CMSS1: variants seen among roughly 807,000 people sequenced by gnomAD.
CMSS1 encodes protein CMSS1.
Under a neutral mutation model 43.5 loss-of-function variants are expected in CMSS1, and 33 were observed. That is an observed-to-expected ratio of 0.76 (90% CI 0.57 to 1.01). The LOEUF is 1.01. Among genes scored for constraint, CMSS1 ranks in the 50% least tolerant of loss-of-function variants. The probability of loss-of-function intolerance (pLI) is 0.00; values close to 1 mark genes in which losing one functional copy is unlikely to be tolerated. For synonymous variants in CMSS1, 115 were observed against 117.2 expected (o/e 0.98, Z 0.12); for missense variants, 313 against 326.4 (o/e 0.96, Z 0.32).
At chr3:99,875,123 C>T (rs77140514) in intron 1 of CMSS1, among the ~76,000 whole-genome samples, 3 of 152,202 alleles carry the variant, frequency 2.0e-5, no homozygotes, top group Non-Finnish European at 4.4e-5. Flanking sequence ...TTTTTCATCT[C>T]CTATTCCAGT....
intron 1 of CMSS1, chr3:99,849,544 T>A (rs747026428): frequency 6.2e-7 from 1 of 1,613,568 alleles, no homozygotes; most frequent in South Asian, 1.1e-5. Context: ...GTGCCCTGAC[T>A]TAGCTTCTTC....
chr3:99,983,437 T>C (rs1387973573), intron 1 of CMSS1, among the ~76,000 whole-genome samples: 1 of 50,880 alleles, frequency 2.0e-5, no homozygotes, highest in East Asian at 5.8e-4. Context: ...TGTATGTATA[T>C]ATATGTATGT....
intron 1 of CMSS1, among the ~76,000 whole-genome samples, chr3:99,989,055 T>C (rs1203768583): frequency 3.3e-5 from 5 of 152,238 alleles, no homozygotes; most frequent in African/African-American, 9.6e-5. Flanking sequence ...AATTCTTCCA[T>C]CTCATAAACT....
intron 1 of CMSS1, among the ~76,000 whole-genome samples, chr3:99,885,768 A>C (rs1332402961): frequency 6.6e-6 from 1 of 152,206 alleles, no homozygotes; most frequent in African/African-American, 2.4e-5. Context: ...CAAAAGACAC[A>C]CACACAAACA....
chr3:99,987,937 TG>T (rs1709393803), intron 1 of CMSS1, among the ~76,000 whole-genome samples: 1 of 152,202 alleles, frequency 6.6e-6, no homozygotes, highest in African/African-American at 2.4e-5. Flanking sequence ...TCTTGAAAGA[TG>T]TTGAGGATAC....
At chr3:100,097,369 G>A (rs2066228224) in intron 1 of CMSS1, among the ~76,000 whole-genome samples, 1 of 152,174 alleles carries the variant, frequency 6.6e-6, no homozygotes, top group Non-Finnish European at 1.5e-5. Context: ...AGGAGGATCT[G>A]CATGGATTAT....
At chr3:99,956,412 G>A (rs1375623853) in intron 1 of CMSS1, among the ~76,000 whole-genome samples, 2 of 152,174 alleles carry the variant, frequency 1.3e-5, no homozygotes, top group Admixed American at 1.3e-4. Flanking sequence ...GAGTGCCCTG[G>A]CATGATCTTG....
chr3:99,949,971 C>T (rs1708127482), intron 1 of CMSS1, among the ~76,000 whole-genome samples: 1 of 152,036 alleles, frequency 6.6e-6, no homozygotes, highest in African/African-American at 2.4e-5. Flanking sequence ...TAATTATTTC[C>T]CAGAATAACC....
intron 1 of CMSS1, among the ~76,000 whole-genome samples, chr3:100,129,484 A>G (rs980279517): frequency 2.1e-4 from 32 of 152,358 alleles, no homozygotes; most frequent in Admixed American, 1.4e-3. Flanking sequence ...ATTGCTACTT[A>G]AGAGGATATG....
chr3:100,068,764 A>G (rs916254496), intron 1 of CMSS1, among the ~76,000 whole-genome samples: 2 of 152,078 alleles, frequency 1.3e-5, no homozygotes, highest in Non-Finnish European at 2.9e-5. Flanking sequence ...AGTAGCTGGG[A>G]ATACAGGCGC....
At chr3:100,048,157 A>G (rs2065308334) in intron 1 of CMSS1, among the ~76,000 whole-genome samples, 1 of 152,242 alleles carries the variant, frequency 6.6e-6, no homozygotes, top group African/African-American at 2.4e-5. Flanking sequence ...ACAAATGACC[A>G]GGTCCCAAGC....
rs117786196 is a variant in CMSS1 at position 100,059,314 on chromosome 3, C to T, written c.65-87659C>T. Among the ~76,000 whole-genome samples the T allele has an allele frequency of 1.1e-3, 165 of 152,258 alleles. 2 individuals are homozygous for T. In the East Asian group the frequency reaches 0.028, roughly 26 times the overall value. On this transcript the variant is annotated intron_variant, in intron 1 of 9. Coordinates refer to ENST00000421999, the MANE Select transcript of CMSS1 (RefSeq NM_032359.4). ...TCTGGCATTTGAGGCTATAATGGGA[C>T]GAGCCTTCCATGTGACATCTTTTTT...
chr3:99,867,327 T>C (rs1339857918), intron 1 of CMSS1, among the ~76,000 whole-genome samples: 1 of 152,194 alleles, frequency 6.6e-6, no homozygotes, highest in African/African-American at 2.4e-5. Flanking sequence ...TATGTGCTAT[T>C]TGAATACCAT....
intron 1 of CMSS1, among the ~76,000 whole-genome samples, chr3:99,853,503 G>T (rs746296021): frequency 3.3e-5 from 5 of 152,232 alleles, no homozygotes; most frequent in Non-Finnish European, 7.3e-5. Flanking sequence ...ATGGTGATTA[G>T]TGAGTGCAGT....
chr3:99,918,664 A>T (rs1478262207), intron 1 of CMSS1, among the ~76,000 whole-genome samples: 1 of 152,054 alleles, frequency 6.6e-6, no homozygotes, highest in Non-Finnish European at 1.5e-5. Context: ...AAGTTAAGTC[A>T]TGATGGACGG....
chr3:100,163,435 A>G (rs1023921657), intron 4 of CMSS1, among the ~76,000 whole-genome samples: 2 of 152,240 alleles, frequency 1.3e-5, no homozygotes, highest in Non-Finnish European at 2.9e-5. Context: ...CTTTGCCTCA[A>G]GGGATTCTTA....
At chr3:100,062,244 T>TG (rs1212631037) in intron 1 of CMSS1, among the ~76,000 whole-genome samples, 2 of 151,626 alleles carry the variant, frequency 1.3e-5, no homozygotes, top group Non-Finnish European at 2.9e-5. Flanking sequence ...CCCGAGTAGC[T>TG]GGGACTACAG....
At chr3:100,141,393 C>T in intron 1 of CMSS1, 1 of 299,910 alleles carries the variant, frequency 3.3e-6, no homozygotes, top group South Asian at 3.1e-5. Context: ...TCCAGCACTA[C>T]TCCCTGGGAG....
intron 1 of CMSS1, among the ~76,000 whole-genome samples, chr3:99,957,808 AC>A: frequency 6.8e-6 from 1 of 147,692 alleles, no homozygotes; most frequent in Non-Finnish European, 1.5e-5. Flanking sequence ...GCTTTTTCAC[AC>A]ATAGCTTGTT....
Sources: allele counts gnomAD v4.1 joint callset (sites outside exome capture counted in the v4.1 genomes callset), GRCh38; gene constraint gnomAD v4.1.1; transcripts MANE v1.5; gene names NCBI Gene and HGNC (gene_info 2026-07-23, HGNC 2026-07-21).